Variants in KIF17 observed in about 807,000 individuals in gnomAD.
KIF17 encodes the protein kinesin family member 17.
KIF17 carries 80 observed loss-of-function variants against 96.8 expected under a neutral mutation model. The ratio of observed to expected loss-of-function variants is 0.83; its 90% CI spans 0.69 to 1.00. The LOEUF is 1.00. Among genes scored for constraint, KIF17 ranks in the 50% least tolerant of loss-of-function variants. The probability of loss-of-function intolerance (pLI) is 0.00; values close to 1 mark genes in which losing one functional copy is unlikely to be tolerated. For synonymous variants in KIF17, 567 were observed against 587.5 expected, an observed-to-expected ratio of 0.97 and a Z score of 0.51; for missense variants, 1,280 against 1,372.9, an observed-to-expected ratio of 0.93 and a Z score of 1.07.
chr1:20,715,647 G>A lies in KIF17; in HGVS notation c.232-8C>T, dbSNP rs2054565574. On this transcript the variant is annotated splice_region_variant and splice_polypyrimidine_tract_variant and intron_variant, in intron 1 of 14. Transcript: ENST00000400463. ...GTAGCCCTCAGTGACGCCCTGCATG[G>A]GAGGAAGGCAGGACCCCGTGCTCAG... 2 of 1,613,788 alleles carry A rather than the reference G, an allele frequency of 1.2e-6. No homozygotes were observed. Among genetic ancestry groups the A allele is most frequent in the Non-Finnish European group, 1.7e-6 (2 of 1,180,030 alleles).
downstream of KIF17, among the ~76,000 whole-genome samples, chr1:20,663,735 C>T (rs1471697608): frequency 6.6e-6 from 1 of 152,264 alleles, no homozygotes; most frequent in African/African-American, 2.4e-5. Context: ...GCCCCCAGGA[C>T]TGTCAAAAGC....
Position 20,704,864 on chromosome 1 carries a change from G to A in KIF17, c.706C>T (p.Leu236=). 1 of 1,602,508 alleles carries A rather than the reference G, an allele frequency of 6.2e-7. No homozygotes were observed. The highest frequency in any genetic ancestry group is 8.5e-7 in the Non-Finnish European group (1 of 1,179,884). The change falls in exon 5 of 15, where the codon CTG becomes TTG. Residue 236 remains leucine, a synonymous_variant. Coordinates refer to ENST00000400463, the MANE Select transcript of KIF17 (RefSeq NM_001122819.3). The surrounding 1 kb of genome is among the most constrained non-coding windows in gnomAD (Gnocchi z 6.8). ...RGKDHLRAGK[L]NLVDLAGSER... Reference sequence around the variant, plus strand: ...CTGCCCGCCAGGTCCACCAGGTTCAGCTTGCCCGCCCGGAGGTGGTCCTTG... The same window carrying A: ...CTGCCCGCCAGGTCCACCAGGTTCAACTTGCCCGCCCGGAGGTGGTCCTTG...
chr1:20,698,683 C>A (rs1282015687), intron 5 of KIF17, among the ~76,000 whole-genome samples, 195 bp from the exon 6 acceptor site: 1 of 152,208 alleles, frequency 6.6e-6, no homozygotes, highest in East Asian at 1.9e-4. Context: ...ATGTTCCAGA[C>A]TCTGAGGATG....
chr1:20,698,833 C>G (rs904105727), intron 5 of KIF17, among the ~76,000 whole-genome samples: 1 of 152,112 alleles, frequency 6.6e-6, no homozygotes, highest in African/African-American at 2.4e-5. Context: ...CTAAGCACCT[C>G]CCATCAAAAT....
intron 13 of KIF17, among the ~76,000 whole-genome samples, chr1:20,668,297 A>G (rs696396): frequency 0.78 from 117,652 of 151,288 alleles, 46,038 homozygotes; most frequent in Middle Eastern, 0.87. Context: ...GTAACAGAGC[A>G]AGACTCCGTC....
chr1:20,688,024 G>A (rs2053970862), intron 7 of KIF17, 80 bp from the exon 8 acceptor site: 4 of 1,211,476 alleles, frequency 3.3e-6, no homozygotes, highest in Admixed American at 3.8e-5. Context: ...TCCAAGCCCA[G>A]TGTGTTGTTT....
At position 20,685,896 on chromosome 1, in the gene KIF17, A is replaced by AC; in HGVS notation, c.2019+149dup. On this transcript the variant is annotated intron_variant, in intron 9 of 14. Transcript: ENST00000400463. The surrounding 1 kb of genome is among the most constrained non-coding windows in gnomAD (Gnocchi z 4.1). Reference sequence around the variant, plus strand: ...TCCTCCCACTGCACACTGCCTGGCCACGGGCCACAAGCCCGGGGAAGGCTG... The same window carrying AC: ...TCCTCCCACTGCACACTGCCTGGCCACCGGGCCACAAGCCCGGGGAAGGCTG... 1.4e-6 allele frequency: 1 copy of AC among 709,360 alleles called. No homozygotes were observed. Among genetic ancestry groups the AC allele is most frequent in the Non-Finnish European group, 2.5e-6 (1 of 400,624 alleles). 43.9% of individuals were successfully genotyped at this position (709,360 alleles called of 1,614,324 possible). A position where few individuals can be genotyped will look rare whatever the true frequency, so the allele number is the denominator to read the frequency against.
chr1:20,681,256 G>A (rs2053825889), intron 11 of KIF17, among the ~76,000 whole-genome samples: 1 of 151,332 alleles, frequency 6.6e-6, no homozygotes, highest in African/African-American at 2.4e-5. Flanking sequence ...GTGGCGTGAT[G>A]TCAGCTCACT....
intron 11 of KIF17, among the ~76,000 whole-genome samples, chr1:20,675,801 A>G (rs2053728391): frequency 1.3e-5 from 2 of 152,216 alleles, no homozygotes; most frequent in Non-Finnish European, 2.9e-5. Context: ...TCATATGAAC[A>G]TGAGATGTCT....
At chr1:20,694,166 C>A (rs972195437) in intron 6 of KIF17, among the ~76,000 whole-genome samples, 3 of 151,584 alleles carry the variant, frequency 2.0e-5, no homozygotes, top group Non-Finnish European at 4.4e-5. Flanking sequence ...GGCATGATCT[C>A]GGCTCACTGT....
At chr1:20,665,601 A>C (rs1049649744) in intron 14 of KIF17, among the ~76,000 whole-genome samples, 1 of 151,718 alleles carries the variant, frequency 6.6e-6, no homozygotes, top group African/African-American at 2.4e-5. Flanking sequence ...GGGTTTCACC[A>C]TGTTGGCCAG....
chr1:20,680,798 T>C (rs1194469167), intron 11 of KIF17, among the ~76,000 whole-genome samples: 3 of 151,478 alleles, frequency 2.0e-5, no homozygotes, highest in African/African-American at 7.3e-5. Flanking sequence ...CAACTGGAAA[T>C]ATAACAAGGA....
At chr1:20,665,075 C>A (rs569817511) in intron 14 of KIF17, among the ~76,000 whole-genome samples, 2 of 152,184 alleles carry the variant, frequency 1.3e-5, no homozygotes, top group Non-Finnish European at 2.9e-5. Context: ...CTTCCTACAA[C>A]CTTAGAGAAG....
chr1:20,690,098 T>G (rs1570455706), intron 7 of KIF17, 90 bp downstream of exon 7: 2 of 1,418,882 alleles, frequency 1.4e-6, no homozygotes, highest in East Asian at 4.6e-5. Context: ...TCCTCGGGTG[T>G]AGAAAATGCT....
intron 4 of KIF17, among the ~76,000 whole-genome samples, chr1:20,707,793 G>GTGTC (rs1291645322): frequency 2.7e-5 from 1 of 36,418 alleles, no homozygotes; most frequent in East Asian, 3.1e-4. Context: ...GTGTATGTGT[G>GTGTC]TGTGTGTGTG....
intron 1 of KIF17, 69 bp downstream of exon 1, chr1:20,717,407 G>GC: frequency 6.4e-7 from 1 of 1,563,704 alleles, no homozygotes; most frequent in Non-Finnish European, 8.7e-7. Flanking sequence ...GGGCAGCGCA[G>GC]CCCCCTGGGG....
At chr1:20,701,747 G>A (rs770508310) in intron 5 of KIF17, among the ~76,000 whole-genome samples, 1 of 152,196 alleles carries the variant, frequency 6.6e-6, no homozygotes, top group Admixed American at 6.5e-5. Context: ...ACGGCAAGGT[G>A]AGGCCTGCCC....
intron 6 of KIF17, 55 bp downstream of exon 6, chr1:20,698,324 C>G: frequency 7.7e-7 from 1 of 1,305,966 alleles, no homozygotes; most frequent in East Asian, 2.3e-5. Context: ...CTGCCCTTCC[C>G]GCTGGGCCCC....
intron 6 of KIF17, among the ~76,000 whole-genome samples, chr1:20,698,148 C>T (rs547053928): frequency 1.3e-5 from 2 of 152,318 alleles, no homozygotes; most frequent in East Asian, 1.9e-4. Flanking sequence ...GGCCCTAAGG[C>T]GGCATTGAAT....
Sources: allele counts gnomAD v4.1 joint callset (sites outside exome capture counted in the v4.1 genomes callset), GRCh38; gene constraint gnomAD v4.1.1; non-coding constraint Gnocchi (gnomAD v3.1); transcripts MANE v1.5; gene names NCBI Gene and HGNC (gene_info 2026-07-23, HGNC 2026-07-21).